The following FKBP1B variants were observed in gnomAD, a reference collection of about 807,000 sequenced individuals.
The protein encoded by FKBP1B is peptidyl-prolyl cis-trans isomerase FKBP1B.
In FKBP1B, 4 loss-of-function variants were observed where a neutral mutation model predicts 13.5. The ratio of observed to expected loss-of-function variants is 0.30; its 90% CI spans 0.15 to 0.68. The LOEUF is 0.68. Among genes scored for constraint, FKBP1B ranks in the 30% least tolerant of loss-of-function variants. The pLI, the probability that FKBP1B is intolerant of heterozygous loss-of-function variation, is 0.76. For synonymous variants in FKBP1B, 54 were observed against 53.6 expected (o/e 1.01, Z -0.03); for missense variants, 93 against 136.2 (o/e 0.68, Z 1.58).
At chr2:24,039,869 C>T in the FKBP1B span, among the ~76,000 whole-genome samples, 16 of 152,026 alleles carry the variant, frequency 1.1e-4, no homozygotes, top group Non-Finnish European at 1.9e-4. Flanking sequence ...ACAATCTCGG[C>T]GCACTTCAAC....
the FKBP1B span, among the ~76,000 whole-genome samples, chr2:24,040,696 C>T: frequency 1.3e-5 from 2 of 152,160 alleles, no homozygotes; most frequent in Non-Finnish European, 2.9e-5. Flanking sequence ...GAATATTTTT[C>T]CCCCAGGCAT....
At chr2:24,060,187 C>T (rs1664320815) in intron 2 of FKBP1B, among the ~76,000 whole-genome samples, 1 of 151,992 alleles carries the variant, frequency 6.6e-6, no homozygotes, top group African/African-American at 2.4e-5. Context: ...AAAAGAGGAT[C>T]AAAAAGACCA....
At chr2:24,047,276 C>G (rs1224023027), upstream of FKBP1B, 1 of 152,384 alleles carries the variant, frequency 6.6e-6, no homozygotes, top group African/African-American at 2.4e-5. Flanking sequence ...ACAGCCTCCC[C>G]ACACCCGCCA....
chr2:24,056,134 C>T (rs993929557), intron 2 of FKBP1B, among the ~76,000 whole-genome samples: 11 of 149,046 alleles, frequency 7.4e-5, no homozygotes, highest in Non-Finnish European at 1.2e-4. Flanking sequence ...GGATTACAGG[C>T]GCCCGCCACC....
At chr2:24,055,678 C>A (rs559410951) in intron 2 of FKBP1B, among the ~76,000 whole-genome samples, 1 of 152,188 alleles carries the variant, frequency 6.6e-6, no homozygotes, top group East Asian at 1.9e-4. Flanking sequence ...TTTTAACGTA[C>A]AAGTATGTTG....
intron 2 of FKBP1B, among the ~76,000 whole-genome samples, chr2:24,055,899 C>T (rs993605221): frequency 3.9e-5 from 6 of 152,344 alleles, no homozygotes; most frequent in East Asian, 1.9e-4. Flanking sequence ...TTTCCAAAGT[C>T]GTTGTGCCAG....
the FKBP1B span, among the ~76,000 whole-genome samples, chr2:24,042,087 A>G: frequency 6.6e-6 from 1 of 152,066 alleles, no homozygotes; most frequent in Non-Finnish European, 1.5e-5. Context: ...GCAATAATAA[A>G]CACAGACTGA....
upstream of FKBP1B, among the ~76,000 whole-genome samples, chr2:24,045,596 A>G (rs1240463076): frequency 2.7e-5 from 3 of 110,012 alleles, no homozygotes; most frequent in African/African-American, 7.1e-5. Flanking sequence ...GCAAGACTCC[A>G]TCTCAAAAAA....
chr2:24,053,287 ATTTTTTTTTTTTTTT>A (rs34185660), intron 1 of FKBP1B, among the ~76,000 whole-genome samples: 1 of 110,106 alleles, frequency 9.1e-6, no homozygotes, highest in African/African-American at 3.6e-5. Context: ...AATTGAAAAG[ATTTTTTTTTTTTTTT>A]TTTTTTTTTA....
At position 24,049,846 on chromosome 2, in the gene FKBP1B, C is replaced by G. The variant is rs1204318679; in HGVS notation, c.-4C>G. The G allele has an allele frequency of 7.1e-7, 1 of 1,417,666 alleles. No individual in the cohort carries two copies. Among genetic ancestry groups the G allele is most frequent in the Non-Finnish European group, 9.2e-7 (1 of 1,083,508 alleles). The allele number at this position is 1,417,666 out of a possible 1,614,324, so 87.8% of individuals were successfully genotyped here. On this transcript the variant is annotated 5_prime_UTR_variant, in exon 1 of 4. Transcript: ENST00000380986. Reference sequence around the variant, plus strand: ...CCCCCAGAGGCGGGGCCTGTGGGACCGCTATGGGCGTGGAGATCGAGACCA... The same window carrying G: ...CCCCCAGAGGCGGGGCCTGTGGGACGGCTATGGGCGTGGAGATCGAGACCA...
intron 1 of FKBP1B, among the ~76,000 whole-genome samples, chr2:24,051,206 C>G (rs1444427312): frequency 6.6e-6 from 1 of 152,068 alleles, no homozygotes; most frequent in African/African-American, 2.4e-5. Context: ...TGGTGGTACG[C>G]ACCTGTAATC....
chr2:24,037,656 G>A, the FKBP1B span: 1 of 1,587,338 alleles, frequency 6.3e-7, no homozygotes, highest in Non-Finnish European at 8.5e-7. Context: ...TATAGTGGTA[G>A]TTCCTCAAAG....
chr2:24,049,760 G>C lies in FKBP1B; in HGVS notation c.-90G>C. ...GGCTCTGCAGTGGCGGCGAGGAGGC[G>C]AGCCGGAGCGACGGCGGGGCTGGGG... On this transcript the variant is annotated 5_prime_UTR_variant, in exon 1 of 4. Coordinates refer to ENST00000380986, the MANE Select transcript of FKBP1B (RefSeq NM_004116.5). 1 of 1,121,206 alleles carries C rather than the reference G, an allele frequency of 8.9e-7. No homozygotes were observed. The highest frequency in any genetic ancestry group is 1.1e-6 in the Non-Finnish European group (1 of 872,124). 69.5% of individuals were successfully genotyped at this position (1,121,206 alleles called of 1,614,324 possible).
intron 3 of FKBP1B, 137 bp downstream of exon 3, chr2:24,061,063 C>A: frequency 1.5e-6 from 1 of 648,594 alleles, no homozygotes; most frequent in Non-Finnish European, 2.7e-6. Flanking sequence ...GCAACGCCAT[C>A]TGGTGTCCCC....
the FKBP1B span, among the ~76,000 whole-genome samples, chr2:24,042,259 C>T: frequency 1.3e-5 from 2 of 151,466 alleles, no homozygotes; most frequent in Non-Finnish European, 2.9e-5. Context: ...AAAAATTGGC[C>T]GGGCGCAGTG....
upstream of FKBP1B, among the ~76,000 whole-genome samples, chr2:24,048,168 TTTTTC>T (rs910105501): frequency 2.0e-5 from 3 of 152,232 alleles, no homozygotes; most frequent in African/African-American, 2.4e-5. Context: ...TATGTTTTTC[TTTTTC>T]TTTTCTTTTC....
chr2:24,038,675 A>C, the FKBP1B span: 323 of 1,614,234 alleles, frequency 2.0e-4, no homozygotes, highest in African/African-American at 2.7e-3. Flanking sequence ...GAAGAAACTG[A>C]TACTTCAGAA....
the FKBP1B span, chr2:24,038,575 T>A: frequency 6.2e-7 from 1 of 1,614,080 alleles, no homozygotes. Flanking sequence ...TGTCAAGTAG[T>A]CCTTTTTTCT....
intron 1 of FKBP1B, among the ~76,000 whole-genome samples, chr2:24,052,602 T>C (rs1177307559): frequency 6.6e-6 from 1 of 152,238 alleles, no homozygotes; most frequent in Non-Finnish European, 1.5e-5. Context: ...TCATTGTGTG[T>C]ATTTTCTTTA....
Sources: gnomAD v4.1 joint callset for allele counts (sites outside exome capture counted in the v4.1 genomes callset) on GRCh38, gnomAD v4.1.1 for gene constraint, MANE v1.5 for transcripts, NCBI Gene and HGNC (gene_info 2026-07-23, HGNC 2026-07-21) for gene names.